PHLPP1: variants seen among roughly 807,000 people sequenced by gnomAD.
PHLPP1 encodes PH domain and leucine rich repeat protein phosphatase 1, also known as PH domain leucine-rich repeat-containing protein phosphatase 1.
In PHLPP1, 42 loss-of-function variants were observed where a neutral mutation model predicts 117.2. The ratio of observed to expected loss-of-function variants is 0.36; its 90% CI spans 0.28 to 0.46. The LOEUF (loss-of-function observed/expected upper bound fraction) is 0.46. Among genes scored for constraint, PHLPP1 ranks in the 20% least tolerant of loss-of-function variants. The probability of loss-of-function intolerance (pLI) is 1.00; values close to 1 mark genes in which losing one functional copy is unlikely to be tolerated. For missense variants in PHLPP1, 2,084 were observed against 2,241.9 expected, an observed-to-expected ratio of 0.93 and a Z score of 1.42; for synonymous variants, 1,042 against 970.7, an observed-to-expected ratio of 1.07 and a Z score of -1.37.
intron 11 of PHLPP1, 124 bp downstream of exon 11, chr18:62,942,042 T>A (rs906536448): frequency 2.8e-6 from 2 of 710,788 alleles, no homozygotes; most frequent in Non-Finnish European, 4.6e-6. Flanking sequence ...CCTGCTCCCT[T>A]CACAGTTTCC....
chr18:62,890,921 T>C (rs1364678925), intron 4 of PHLPP1, among the ~76,000 whole-genome samples: 1 of 152,178 alleles, frequency 6.6e-6, no homozygotes, highest in Non-Finnish European at 1.5e-5. Context: ...GGGAAAAATA[T>C]CTAGAAAGTG....
chr18:62,839,988 C>T (rs1359994362), intron 3 of PHLPP1: 5 of 151,688 alleles, frequency 3.3e-5, no homozygotes, highest in Non-Finnish European at 7.4e-5. Context: ...GACAAAATCT[C>T]TCTAGGGTGC....
At chr18:62,830,918 A>C (rs1914740429) in intron 2 of PHLPP1, among the ~76,000 whole-genome samples, 1 of 152,166 alleles carries the variant, frequency 6.6e-6, no homozygotes, top group South Asian at 2.1e-4. Flanking sequence ...GGAGGGTTTG[A>C]GTCTATAGTG....
At chr18:62,719,411 A>G (rs1346816301) in intron 1 of PHLPP1, among the ~76,000 whole-genome samples, 2 of 152,222 alleles carry the variant, frequency 1.3e-5, no homozygotes, top group African/African-American at 4.8e-5. Context: ...AATTTTTGCA[A>G]AGAAGTTCAG....
intron 1 of PHLPP1, among the ~76,000 whole-genome samples, chr18:62,718,616 A>G (rs1910831011): frequency 6.6e-6 from 1 of 152,234 alleles, no homozygotes; most frequent in Non-Finnish European, 1.5e-5. Flanking sequence ...CAATTTGTCA[A>G]CTCGATGACA....
intron 6 of PHLPP1, among the ~76,000 whole-genome samples, chr18:62,900,433 CTT>C (rs774225759): frequency 0.013 from 704 of 54,254 alleles, 176 homozygotes; most frequent in Non-Finnish European, 0.016. Context: ...CTTTTTCTTT[CTT>C]TTTTTTTTTT....
chr18:62,961,316 T>C lies in PHLPP1; in HGVS notation c.3456-2052T>C, dbSNP rs193015638. 1.9e-3 allele frequency among the ~76,000 whole-genome samples: 283 copies of C among 152,052 alleles called. 2 individuals are homozygous for C. The highest frequency in any genetic ancestry group is 6.5e-3 in the African/African-American group (271 of 41,478). ...TCTCAAAAAATAAAAAATAAAGATA[T>C]ACAAGAGTCAGCATTCATTTCACTT... On this transcript the variant is annotated intron_variant, in intron 13 of 16. Transcript: ENST00000262719.
chr18:62,804,654 T>A (rs1042841201), intron 1 of PHLPP1, among the ~76,000 whole-genome samples: 2 of 152,128 alleles, frequency 1.3e-5, no homozygotes, highest in African/African-American at 4.8e-5. Context: ...TTATATATGT[T>A]ACAGTTATCT....
intron 1 of PHLPP1, among the ~76,000 whole-genome samples, chr18:62,822,214 G>A (rs1914479373): frequency 6.7e-6 from 1 of 149,170 alleles, no homozygotes; most frequent in African/African-American, 2.4e-5. Context: ...GGCAAGTTAG[G>A]AATAAAAGGA....
At chr18:62,777,318 T>C (rs1912989481) in intron 1 of PHLPP1, among the ~76,000 whole-genome samples, 1 of 152,186 alleles carries the variant, frequency 6.6e-6, no homozygotes, top group African/African-American at 2.4e-5. Context: ...CATCTTTCCA[T>C]GTGCCATTCA....
At chr18:62,931,878 G>GAAAAA (rs61550621) in intron 10 of PHLPP1, among the ~76,000 whole-genome samples, 13 of 76,428 alleles carry the variant, frequency 1.7e-4, no homozygotes, top group East Asian at 8.3e-4. Flanking sequence ...CTGGGCGACA[G>GAAAAA]AAAAAAAAAA....
Position 62,716,382 on chromosome 18 carries a change from C to T in PHLPP1, c.699C>T (p.Arg233=). The T allele has an allele frequency of 6.7e-7, 1 of 1,487,000 alleles. No individual in the cohort carries two copies. The highest frequency in any genetic ancestry group is 1.5e-5 in the African/African-American group (1 of 68,824). 92.1% of individuals were successfully genotyped at this position (1,487,000 alleles called of 1,614,324 possible). A position where few individuals can be genotyped will look rare whatever the true frequency, so the allele number is the denominator to read the frequency against. Residue 233 remains arginine (R), a synonymous_variant, in exon 1 of 17, where the codon CGC becomes CGT. Transcript: ENST00000262719. This position sits in a 1 kb window ranked among gnomAD's most constrained non-coding sequence, Gnocchi z 5.7. ...CCACGGCCGGCGAGGTGGCCGCCCG[C>T]CTGCTGCAGCTGGGCCACAAAGGCG... is the stretch of plus-strand genomic sequence containing the variant. ...LDTTAGEVAA[R]LLQLGHKGGG... is the part of the protein sequence containing the mutation.
At chr18:62,749,819 T>C (rs1205907251) in intron 1 of PHLPP1, among the ~76,000 whole-genome samples, 1 of 152,156 alleles carries the variant, frequency 6.6e-6, no homozygotes, top group Non-Finnish European at 1.5e-5. Context: ...AGTTCGAGAC[T>C]AGCCTGGCCA....
At chr18:62,861,526 G>A (rs77504770) in intron 4 of PHLPP1, among the ~76,000 whole-genome samples, 2 of 152,116 alleles carry the variant, frequency 1.3e-5, no homozygotes, top group African/African-American at 4.8e-5. Flanking sequence ...TCATTCTGTG[G>A]TAAATTAAAC....
At chr18:62,814,872 A>G (rs765441708) in intron 1 of PHLPP1, among the ~76,000 whole-genome samples, 2 of 152,208 alleles carry the variant, frequency 1.3e-5, no homozygotes, top group African/African-American at 2.4e-5. Flanking sequence ...TACTGTGTTC[A>G]GTAAATAGAA....
At chr18:62,964,153 G>A (rs1324464764) in intron 14 of PHLPP1, among the ~76,000 whole-genome samples, 2 of 151,996 alleles carry the variant, frequency 1.3e-5, no homozygotes, top group Non-Finnish European at 1.5e-5. Context: ...AAATTAGAAC[G>A]GCCATAATTT....
intron 4 of PHLPP1, among the ~76,000 whole-genome samples, chr18:62,888,814 G>C (rs1458585410): frequency 6.6e-6 from 1 of 152,212 alleles, no homozygotes; most frequent in Non-Finnish European, 1.5e-5. Context: ...ATACCAGGGT[G>C]CTGTCACCTG....
chr18:62,740,067 C>T (rs1324358919), intron 1 of PHLPP1, among the ~76,000 whole-genome samples: 12 of 145,814 alleles, frequency 8.2e-5, no homozygotes, highest in African/African-American at 5.1e-5. Context: ...TTTACAGGTT[C>T]GGCAATGCTT....
rs1209554295 is a variant in PHLPP1 at position 62,868,536 on chromosome 18, C to T, written c.2066+7935C>T. On this transcript the variant is annotated intron_variant, in intron 4 of 16. Coordinates refer to ENST00000262719, the MANE Select transcript of PHLPP1 (RefSeq NM_194449.4). ...CCTCAGGAGGCTAAGGCAAGAGAAT[C>T]GCTTGAACCTGGGAGGCAGAGGTTG... Among the ~76,000 whole-genome samples the T allele has an allele frequency of 2.6e-5, 4 of 151,018 alleles. No homozygotes were observed. In the East Asian group the frequency reaches 5.8e-4, roughly 22 times the overall value.
Sources: allele counts gnomAD v4.1 joint callset (sites outside exome capture counted in the v4.1 genomes callset), GRCh38; gene constraint gnomAD v4.1.1; non-coding constraint Gnocchi (gnomAD v3.1); transcripts MANE v1.5; gene names NCBI Gene and HGNC (gene_info 2026-07-23, HGNC 2026-07-21).